The following FRMPD1 variants were observed in gnomAD, a reference collection of about 807,000 sequenced individuals.
FRMPD1 encodes FERM and PDZ domain-containing protein 1.
In FRMPD1, 76 loss-of-function variants were observed where a neutral mutation model predicts 117.8. The ratio of observed to expected loss-of-function variants is 0.65; its 90% confidence interval spans 0.54 to 0.78. The LOEUF is 0.78. FRMPD1 is among the 30% of genes least tolerant of loss of function. The probability of loss-of-function intolerance (pLI) is 0.00; values close to 1 mark genes in which losing one functional copy is unlikely to be tolerated. For missense variants in FRMPD1, 1,786 were observed against 1,964.5 expected, an observed-to-expected ratio of 0.91 and a Z score of 1.72; for synonymous variants, 783 against 770.4, an observed-to-expected ratio of 1.02 and a Z score of -0.27.
chr9:37,724,025 A>G (rs369595128), intron 6 of FRMPD1, among the ~76,000 whole-genome samples, 200 bp from the exon 7 acceptor site: 82 of 151,966 alleles, frequency 5.4e-4, no homozygotes, highest in African/African-American at 1.8e-3. Context: ...AAAAAAAAAT[A>G]AAAGCCAGTC....
At chr9:37,680,783 G>C (rs2209560) in intron 1 of FRMPD1, among the ~76,000 whole-genome samples, 8 of 152,266 alleles carry the variant, frequency 5.3e-5, no homozygotes, top group Non-Finnish European at 8.8e-5. Flanking sequence ...CCGCCTTTCA[G>C]GTATTCAATG....
chr9:37,713,512 C>T, intron 5 of FRMPD1, among the ~76,000 whole-genome samples: 1 of 151,818 alleles, frequency 6.6e-6, no homozygotes, highest in Non-Finnish European at 1.5e-5. Context: ...ATCGCTTGAG[C>T]CCAGGAAGTC....
At chr9:37,709,146 G>A (rs571344543) in intron 4 of FRMPD1, among the ~76,000 whole-genome samples, 1 of 152,280 alleles carries the variant, frequency 6.6e-6, no homozygotes, top group Admixed American at 6.5e-5. Context: ...ATTGATAGGA[G>A]TGAAGAGGAC....
At chr9:37,692,365 T>C (rs755112659) in intron 1 of FRMPD1, among the ~76,000 whole-genome samples, 1 of 152,146 alleles carries the variant, frequency 6.6e-6, no homozygotes, top group Non-Finnish European at 1.5e-5. Flanking sequence ...TCACAAAGTT[T>C]GAGAAACGTT....
At chr9:37,648,749 C>T (rs1419523125), upstream of FRMPD1, among the ~76,000 whole-genome samples, 1 of 152,024 alleles carries the variant, frequency 6.6e-6, no homozygotes, top group Admixed American at 6.6e-5. Context: ...GTGCCACTAC[C>T]AGTTGAGATA....
the FRMPD1 span, among the ~76,000 whole-genome samples, chr9:37,638,050 CCT>C: frequency 1.2e-4 from 9 of 76,124 alleles, no homozygotes; most frequent in Admixed American, 3.2e-4. Flanking sequence ...TTCTTTCTTT[CCT>C]TTCTTTCTTT....
At chr9:37,642,051 A>C in the FRMPD1 span, among the ~76,000 whole-genome samples, 1 of 152,222 alleles carries the variant, frequency 6.6e-6, no homozygotes, top group Non-Finnish European at 1.5e-5. Flanking sequence ...TTTCTGGATC[A>C]CTACAGCAAA....
chr9:37,661,399 A>G (rs149051682), intron 1 of FRMPD1, among the ~76,000 whole-genome samples: 386 of 152,340 alleles, frequency 2.5e-3, no homozygotes, highest in Middle Eastern at 6.8e-3. Flanking sequence ...GGAGGATATA[A>G]TGACCCCTGT....
At chr9:37,614,419 C>T in the FRMPD1 span, among the ~76,000 whole-genome samples, 1 of 152,298 alleles carries the variant, frequency 6.6e-6, no homozygotes, top group Admixed American at 6.5e-5. Flanking sequence ...TGTTGGTAGG[C>T]TTTGCCACAG....
At chr9:37,696,912 T>C (rs1822341901) in intron 2 of FRMPD1, among the ~76,000 whole-genome samples, 1 of 152,220 alleles carries the variant, frequency 6.6e-6, no homozygotes, top group Admixed American at 6.5e-5. Flanking sequence ...AAGTGAGTTG[T>C]CTAGGAGTAA....
At chr9:37,741,051 G>A in intron 15 of FRMPD1, 167 bp downstream of exon 15, 5 of 617,784 alleles carry the variant, frequency 8.1e-6, no homozygotes, top group South Asian at 1.9e-5. Flanking sequence ...TTTAGGCATC[G>A]TGGCAGGCCT....
At chr9:37,637,391 A>G in the FRMPD1 span, 1 of 691,336 alleles carries the variant, frequency 1.4e-6, no homozygotes, top group East Asian at 2.7e-5. Flanking sequence ...TTTAGAAATT[A>G]AAGTAAAATT....
intron 5 of FRMPD1, among the ~76,000 whole-genome samples, chr9:37,713,664 CTATA>C (rs1385391402): frequency 3.3e-5 from 5 of 151,332 alleles, no homozygotes; most frequent in East Asian, 1.9e-4. Context: ...TTATATATAA[CTATA>C]TATAGTGTGT....
chr9:37,666,360 A>G (rs976982250), intron 1 of FRMPD1, among the ~76,000 whole-genome samples: 19 of 152,136 alleles, frequency 1.2e-4, no homozygotes, highest in African/African-American at 3.6e-4. Context: ...CCCACACTTA[A>G]GGCCTTTGGT....
At chr9:37,676,556 G>T (rs1241485293) in intron 1 of FRMPD1, among the ~76,000 whole-genome samples, 3 of 152,152 alleles carry the variant, frequency 2.0e-5, no homozygotes, top group Non-Finnish European at 2.9e-5. Context: ...CCTCCTAACA[G>T]CTGACCCGGC....
At chr9:37,642,492 G>C in the FRMPD1 span, among the ~76,000 whole-genome samples, 1 of 152,022 alleles carries the variant, frequency 6.6e-6, no homozygotes, top group African/African-American at 2.4e-5. Flanking sequence ...TTTGGCCTTG[G>C]TTTTCTCATT....
At chr9:37,700,804 C>T (rs970555473) in intron 2 of FRMPD1, among the ~76,000 whole-genome samples, 3 of 152,210 alleles carry the variant, frequency 2.0e-5, no homozygotes, top group African/African-American at 7.2e-5. Flanking sequence ...TATAGGGCTT[C>T]TGTTCTTCCA....
At chr9:37,657,351 A>G (rs1820873326) in intron 1 of FRMPD1, among the ~76,000 whole-genome samples, 1 of 152,258 alleles carries the variant, frequency 6.6e-6, no homozygotes, top group Non-Finnish European at 1.5e-5. Flanking sequence ...GCTCCAATGT[A>G]GAATTCAGAA....
the FRMPD1 span, among the ~76,000 whole-genome samples, chr9:37,624,044 G>A: frequency 6.6e-6 from 1 of 152,162 alleles, no homozygotes; most frequent in African/African-American, 2.4e-5. Context: ...CAGTAATGAA[G>A]GCACTACTTG....
Sources: allele counts gnomAD v4.1 joint callset (sites outside exome capture counted in the v4.1 genomes callset), GRCh38; gene constraint gnomAD v4.1.1; transcripts MANE v1.5; gene names NCBI Gene and HGNC (gene_info 2026-07-23, HGNC 2026-07-21).